The following ACOT12 variants were observed in gnomAD, a reference collection of about 807,000 sequenced individuals.
ACOT12 encodes the protein acetyl-coenzyme A thioesterase.
A neutral mutation model predicts 67.7 loss-of-function variants in ACOT12; 51 were observed. That is an observed-to-expected ratio of 0.75 (90% CI 0.60 to 0.95). The LOEUF (loss-of-function observed/expected upper bound fraction) is 0.95, where lower values mean the gene tolerates loss of function less well. Ranked by LOEUF, ACOT12 falls within the 40% of genes least tolerant of loss-of-function variation. ACOT12 has a pLI of 0.00. For synonymous variants in ACOT12, 251 were observed against 244.6 expected (o/e 1.03, Z -0.24); for missense variants, 734 against 708.1 (o/e 1.04, Z -0.41).
chr5:81,320,117 A>T, the ACOT12 span, among the ~76,000 whole-genome samples: 1 of 152,170 alleles, frequency 6.6e-6, no homozygotes, highest in Non-Finnish European at 1.5e-5. Flanking sequence ...CACCCCCAAA[A>T]TGTGGAATAA....
the ACOT12 span, chr5:81,309,056 CAT>C: frequency 1.3e-6 from 2 of 1,562,492 alleles, no homozygotes; most frequent in East Asian, 4.5e-5. Flanking sequence ...CTGTTACCCT[CAT>C]ATAGCAGAAA....
intron 1 of ACOT12, among the ~76,000 whole-genome samples, chr5:81,387,371 G>A (rs976045005): frequency 2.0e-5 from 3 of 151,914 alleles, no homozygotes; most frequent in African/African-American, 7.3e-5. Flanking sequence ...AGTTTTCCAG[G>A]GAACTGCTGA....
At chr5:81,388,997 G>A (rs10038566) in intron 1 of ACOT12, among the ~76,000 whole-genome samples, 49,608 of 152,094 alleles carry the variant, frequency 0.33, 10,056 homozygotes, top group African/African-American at 0.58. Flanking sequence ...CTGTGAGTCC[G>A]TTAAATCTCT....
intron 4 of ACOT12, among the ~76,000 whole-genome samples, chr5:81,361,729 G>A (rs886130420): frequency 5.3e-5 from 8 of 152,136 alleles, no homozygotes; most frequent in South Asian, 2.1e-4. Flanking sequence ...TTCTCCCTCC[G>A]CACCATCTGC....
intron 6 of ACOT12, 135 bp from the exon 7 acceptor site, chr5:81,346,139 G>A: frequency 7.3e-7 from 1 of 1,365,690 alleles, no homozygotes; most frequent in Non-Finnish European, 9.8e-7. Flanking sequence ...TGGGTTGAGG[G>A]TAGGTCTGCA....
chr5:81,368,121 T>G (rs1760137521), intron 3 of ACOT12, among the ~76,000 whole-genome samples: 1 of 151,850 alleles, frequency 6.6e-6, no homozygotes, highest in East Asian at 1.9e-4. Flanking sequence ...GTGAAATCCT[T>G]TCTCTACTAA....
At chr5:81,351,418 G>A (rs1759549366) in intron 5 of ACOT12, among the ~76,000 whole-genome samples, 1 of 152,148 alleles carries the variant, frequency 6.6e-6, no homozygotes, top group Non-Finnish European at 1.5e-5. Context: ...ATAGACCAAT[G>A]GAACAGAACT....
rs554175475 is a variant in ACOT12, at chr5:81,348,503, CTGTT to C, written c.497-577_497-574del. ...ATGGAAATGTGGCCTCCTGCGGAAA[CTGTT>C]TGTAATGATTGCAGTCACAAGCAGG... On this transcript the variant is annotated intron_variant, in intron 5 of 14. Transcript: ENST00000307624. 2.7e-4 allele frequency among the ~76,000 whole-genome samples: 41 copies of C among 152,320 alleles called. No individual in the cohort carries two copies. The Middle Eastern group carries it at 0.01, about 38-fold the overall frequency.
chr5:81,385,233 G>A (rs1210698248), intron 2 of ACOT12, among the ~76,000 whole-genome samples: 1 of 152,058 alleles, frequency 6.6e-6, no homozygotes, highest in African/African-American at 2.4e-5. Context: ...GATCGCTTGA[G>A]CCCAGGAGTT....
the ACOT12 span, among the ~76,000 whole-genome samples, chr5:81,316,360 T>C: frequency 6.6e-6 from 1 of 152,222 alleles, no homozygotes; most frequent in Non-Finnish European, 1.5e-5. Flanking sequence ...TCTGTCTCTA[T>C]ACAGTTGCCT....
the ACOT12 span, among the ~76,000 whole-genome samples, chr5:81,311,637 C>T: frequency 8.5e-5 from 13 of 152,240 alleles, no homozygotes; most frequent in South Asian, 6.2e-4. Flanking sequence ...CTTTCAATAG[C>T]CTTAATATTG....
chr5:81,344,857 T>C lies in ACOT12; in HGVS notation c.924+34A>G, dbSNP rs1354467277. The C allele has an allele frequency of 5.6e-6, 9 of 1,612,234 alleles. No homozygotes were observed. In the South Asian group the frequency reaches 8.8e-5, roughly 16 times the overall value. ...CTAGGTAGAGCTCTCTATTCACAGG[T>C]CCGGCTATTGAACCTCGTGTGATAA... is the stretch of plus-strand genomic sequence containing the variant. On this transcript the variant is annotated intron_variant, in intron 8 of 14. Coordinates refer to ENST00000307624, the MANE Select transcript of ACOT12 (RefSeq NM_130767.3).
At chr5:81,361,832 G>T (rs1410648040) in intron 4 of ACOT12, among the ~76,000 whole-genome samples, 1 of 152,198 alleles carries the variant, frequency 6.6e-6, no homozygotes, top group East Asian at 1.9e-4. Context: ...ACTAAGTCTG[G>T]TTAATCATTG....
chr5:81,359,796 C>A, intron 5 of ACOT12, 107 bp downstream of exon 5: 1 of 1,261,130 alleles, frequency 7.9e-7, no homozygotes. Flanking sequence ...CCTAGTGTCA[C>A]CAGGACTGAA....
intron 1 of ACOT12, among the ~76,000 whole-genome samples, chr5:81,390,662 C>T (rs575217645): frequency 6.6e-6 from 1 of 151,022 alleles, no homozygotes; most frequent in East Asian, 2.0e-4. Context: ...TGCCACAACA[C>T]CCGGCTAATT....
chr5:81,335,742 A>C, intron 12 of ACOT12, 26 bp downstream of exon 12: 1 of 1,602,510 alleles, frequency 6.2e-7, no homozygotes, highest in East Asian at 2.2e-5. Context: ...AGGTTGATTG[A>C]GAAAAATTTT....
chr5:81,333,086 C>T (rs985651633), intron 12 of ACOT12, among the ~76,000 whole-genome samples: 3 of 130,120 alleles, frequency 2.3e-5, no homozygotes, highest in African/African-American at 1.0e-4. Context: ...AAAGCCACAA[C>T]AAACAAACAA....
chr5:81,340,019 C>T (rs1759139402), intron 11 of ACOT12, among the ~76,000 whole-genome samples: 1 of 151,688 alleles, frequency 6.6e-6, no homozygotes, highest in Admixed American at 6.6e-5. Context: ...GCTGTCAGAC[C>T]CGGCTTTGAG....
At chr5:81,342,201 G>T (rs548120199) in intron 11 of ACOT12, among the ~76,000 whole-genome samples, 2 of 152,094 alleles carry the variant, frequency 1.3e-5, no homozygotes, top group African/African-American at 4.8e-5. Context: ...GTTTTGCCTG[G>T]GCTGGTATCA....
Sources: allele counts gnomAD v4.1 joint callset (sites outside exome capture counted in the v4.1 genomes callset), GRCh38; gene constraint gnomAD v4.1.1; transcripts MANE v1.5; gene names NCBI Gene and HGNC (gene_info 2026-07-23, HGNC 2026-07-21).